Variants in OSBPL8 observed in about 807,000 individuals in gnomAD.
OSBPL8 encodes the protein oxysterol-binding protein-related protein 8.
A neutral mutation model predicts 125.5 loss-of-function variants in OSBPL8; 59 were observed. The ratio of observed to expected loss-of-function variants is 0.47; its 90% CI spans 0.38 to 0.58. OSBPL8 has a LOEUF of 0.58. Ranked by LOEUF, OSBPL8 falls within the 20% of genes least tolerant of loss-of-function variation. The probability of loss-of-function intolerance (pLI) is 0.00; values close to 1 mark genes in which losing one functional copy is unlikely to be tolerated. For synonymous variants in OSBPL8, 330 were observed against 338.9 expected (o/e 0.97, Z 0.29); for missense variants, 758 against 1,047.8 (o/e 0.72, Z 3.82).
chr12:76,491,245 G>A (rs1251656967), intron 1 of OSBPL8, among the ~76,000 whole-genome samples: 5 of 152,180 alleles, frequency 3.3e-5, no homozygotes, highest in Admixed American at 1.3e-4. Flanking sequence ...GGCAGGGTTC[G>A]AGAGGATTGA....
intron 2 of OSBPL8, chr12:76,485,983 G>A (rs1420079312): frequency 2.5e-6 from 1 of 402,336 alleles, no homozygotes; most frequent in Non-Finnish European, 4.9e-6. Context: ...CTACAGACAA[G>A]GCTTAATATT....
intron 4 of OSBPL8, among the ~76,000 whole-genome samples, chr12:76,445,978 C>A (rs1321525530): frequency 6.6e-6 from 1 of 152,092 alleles, no homozygotes; most frequent in Non-Finnish European, 1.5e-5. Flanking sequence ...CTTAAAAAGT[C>A]TGAGTTTAAG....
chr12:76,364,002 C>T (rs1180837146), intron 21 of OSBPL8, among the ~76,000 whole-genome samples: 1 of 152,158 alleles, frequency 6.6e-6, no homozygotes, highest in East Asian at 1.9e-4. Context: ...CAGGAAACAA[C>T]AGATGCTGGA....
chr12:76,559,076 C>T (rs1291018139), intron 1 of OSBPL8, among the ~76,000 whole-genome samples: 1 of 152,166 alleles, frequency 6.6e-6, no homozygotes, highest in African/African-American at 2.4e-5. Context: ...CCCAACGAGG[C>T]CCATGCCATC....
chr12:76,556,070 G>A (rs1951087126), intron 1 of OSBPL8, among the ~76,000 whole-genome samples: 1 of 152,100 alleles, frequency 6.6e-6, no homozygotes, highest in Non-Finnish European at 1.5e-5. Context: ...CTTCTCCCAA[G>A]CTAACATCCT....
intron 1 of OSBPL8, among the ~76,000 whole-genome samples, chr12:76,536,514 T>C (rs1318052748): frequency 1.3e-5 from 2 of 152,200 alleles, no homozygotes; most frequent in Admixed American, 1.3e-4. Flanking sequence ...CTATGTATGC[T>C]GGTAAATTAC....
chr12:76,360,576 G>T (rs1485357478), intron 21 of OSBPL8, among the ~76,000 whole-genome samples: 1 of 152,212 alleles, frequency 6.6e-6, no homozygotes, highest in African/African-American at 2.4e-5. Context: ...TCTGTGGGGG[G>T]CTCCGACCCC....
At chr12:76,400,635 G>A (rs2136347532) in intron 6 of OSBPL8, among the ~76,000 whole-genome samples, 1 of 151,776 alleles carries the variant, frequency 6.6e-6, no homozygotes, top group South Asian at 2.1e-4. Context: ...TATAATGGTG[G>A]AGTAGAAAAG....
chr12:76,455,281 A>C (rs1373011393), intron 3 of OSBPL8, among the ~76,000 whole-genome samples: 1 of 151,958 alleles, frequency 6.6e-6, no homozygotes, highest in Non-Finnish European at 1.5e-5. Flanking sequence ...AGGTACATGG[A>C]AGATTCTAGT....
intron 21 of OSBPL8, among the ~76,000 whole-genome samples, chr12:76,361,567 A>G (rs891995607): frequency 7.2e-5 from 11 of 152,206 alleles, no homozygotes; most frequent in African/African-American, 2.7e-4. Context: ...ATATTAGTCC[A>G]TATTTACGCT....
At chr12:76,369,105 T>C in intron 21 of OSBPL8, 109 bp downstream of exon 21, 1 of 1,413,960 alleles carries the variant, frequency 7.1e-7, no homozygotes, top group Admixed American at 2.8e-5. Context: ...GCTGCGTATT[T>C]TGCTCACCCA....
intron 2 of OSBPL8, among the ~76,000 whole-genome samples, chr12:76,483,887 C>T (rs1319674619): frequency 6.6e-6 from 1 of 151,814 alleles, no homozygotes; most frequent in African/African-American, 2.4e-5. Flanking sequence ...GTTGGCCAGG[C>T]TGGTTTTGAA....
At chr12:76,443,569 C>T (rs535894314) in intron 4 of OSBPL8, among the ~76,000 whole-genome samples, 12 of 152,186 alleles carry the variant, frequency 7.9e-5, no homozygotes, top group African/African-American at 2.4e-4. Flanking sequence ...AGTGCAGTGG[C>T]GCGATCTTGG....
chr12:76,424,227 C>T (rs1192848935), intron 4 of OSBPL8, among the ~76,000 whole-genome samples: 2 of 152,130 alleles, frequency 1.3e-5, no homozygotes, highest in Non-Finnish European at 2.9e-5. Context: ...TCTCAAACTC[C>T]TGACCTCAGG....
intron 1 of OSBPL8, chr12:76,537,883 T>G (rs1236055465): frequency 6.6e-6 from 1 of 152,230 alleles, no homozygotes; most frequent in Non-Finnish European, 1.5e-5. Flanking sequence ...CACTCCAGCC[T>G]GGGCAACAGA....
chr12:76,519,201 A>C (rs953664295), intron 1 of OSBPL8, among the ~76,000 whole-genome samples: 1 of 152,196 alleles, frequency 6.6e-6, no homozygotes, highest in African/African-American at 2.4e-5. Context: ...GTCTTCCACC[A>C]GATACCTTAA....
intron 2 of OSBPL8, among the ~76,000 whole-genome samples, chr12:76,473,116 T>C (rs1272277278): frequency 1.3e-5 from 2 of 152,176 alleles, no homozygotes; most frequent in African/African-American, 4.8e-5. Context: ...TCTTGTCTTC[T>C]GGTCACTTCT....
At chr12:76,457,014 G>A (rs1443042985) in intron 3 of OSBPL8, among the ~76,000 whole-genome samples, 1 of 152,144 alleles carries the variant, frequency 6.6e-6, no homozygotes, top group Non-Finnish European at 1.5e-5. Flanking sequence ...TACTTCACAT[G>A]GGTCCCATAG....
intron 1 of OSBPL8, among the ~76,000 whole-genome samples, chr12:76,519,100 G>A (rs377035877): frequency 1.3e-5 from 2 of 152,144 alleles, no homozygotes; most frequent in East Asian, 3.9e-4. Flanking sequence ...TACCCTTTAA[G>A]ATAAGTTCCA....
Sources: allele counts gnomAD v4.1 joint callset (sites outside exome capture counted in the v4.1 genomes callset), GRCh38; gene constraint gnomAD v4.1.1; transcripts MANE v1.5; gene names NCBI Gene and HGNC (gene_info 2026-07-23, HGNC 2026-07-21).